PRKCB: variants seen among roughly 807,000 people sequenced by gnomAD.
PRKCB encodes protein kinase C beta type.
A neutral mutation model predicts 81.5 loss-of-function variants in PRKCB; 13 were observed. That is an observed-to-expected ratio of 0.16 (90% CI 0.10 to 0.25). PRKCB has a LOEUF of 0.25. Ranked by LOEUF, PRKCB falls within the 10% of genes least tolerant of loss-of-function variation. The pLI is 1.00. For missense variants in PRKCB, 509 were observed against 875.7 expected, an observed-to-expected ratio of 0.58 and a Z score of 5.29; for synonymous variants, 335 against 321.4, an observed-to-expected ratio of 1.04 and a Z score of -0.45.
intron 2 of PRKCB, among the ~76,000 whole-genome samples, chr16:23,903,702 G>A (rs976513768): frequency 6.6e-6 from 1 of 152,090 alleles, no homozygotes; most frequent in African/African-American, 2.4e-5. Flanking sequence ...TTCCACCCAG[G>A]GTCTTTGCAG....
chr16:24,177,727 G>A (rs1402843978), intron 12 of PRKCB, among the ~76,000 whole-genome samples: 1 of 152,178 alleles, frequency 6.6e-6, no homozygotes, highest in African/African-American at 2.4e-5. Context: ...TGGAACAAGG[G>A]GTGATGTGTG....
intron 2 of PRKCB, among the ~76,000 whole-genome samples, chr16:23,868,035 C>G (rs753098721): frequency 6.6e-6 from 1 of 152,010 alleles, no homozygotes; most frequent in Middle Eastern, 3.4e-3. Flanking sequence ...AGATCTTCCC[C>G]TACGGATTTG....
intron 2 of PRKCB, among the ~76,000 whole-genome samples, chr16:23,862,639 G>A (rs563456432): frequency 6.6e-6 from 1 of 152,164 alleles, no homozygotes; most frequent in Non-Finnish European, 1.5e-5. Flanking sequence ...CCTATGGAAA[G>A]GTTGGGTCTA....
Position 24,215,098 on chromosome 16 carries a change from T to A in PRKCB, c.*282T>A. On this transcript the variant is annotated 3_prime_UTR_variant, in exon 17 of 17. Coordinates refer to ENST00000643927, the MANE Select transcript of PRKCB (RefSeq NM_002738.7). ...CAGCATGTCAGCTAAGTAGACCCAA[T>A]GGGGAGAGAAAATGCCTGCTTTCTT... 1 of 1,133,776 alleles carries A rather than the reference T, an allele frequency of 8.8e-7. No homozygotes were observed. Among genetic ancestry groups the A allele is most frequent in the Non-Finnish European group, 1.1e-6 (1 of 920,066 alleles). The allele number at this position is 1,133,776 out of a possible 1,614,324, so 70.2% of individuals were successfully genotyped here.
chr16:23,914,582 G>A (rs1963709993), intron 2 of PRKCB, among the ~76,000 whole-genome samples: 1 of 152,156 alleles, frequency 6.6e-6, no homozygotes, highest in Admixed American at 6.5e-5. Context: ...ATTAATTAAT[G>A]TCTCTATGCC....
At chr16:24,073,461 T>C (rs143518597) in intron 5 of PRKCB, among the ~76,000 whole-genome samples, 1 of 152,294 alleles carries the variant, frequency 6.6e-6, no homozygotes, top group Non-Finnish European at 1.5e-5. Flanking sequence ...CCCCTTGAGT[T>C]ACTGGGACTA....
At chr16:23,970,037 G>A (rs1311986776) in intron 2 of PRKCB, among the ~76,000 whole-genome samples, 7 of 152,134 alleles carry the variant, frequency 4.6e-5, no homozygotes, top group Admixed American at 3.9e-4. Flanking sequence ...TCATGTCAAT[G>A]CCAGTACAGA....
intron 2 of PRKCB, among the ~76,000 whole-genome samples, chr16:23,847,648 T>G (rs1189959807): frequency 6.6e-6 from 1 of 152,228 alleles, no homozygotes; most frequent in Non-Finnish European, 1.5e-5. Flanking sequence ...TATCAGGTAC[T>G]GTTCTAGGCA....
rs1345294395 is a variant in PRKCB, at chr16:24,030,905, A to AC, written c.289-1231_289-1230insC. Among the ~76,000 whole-genome samples, 7 of 150,322 alleles carry AC rather than the reference A, an allele frequency of 4.7e-5. No individual in the cohort carries two copies. In the South Asian group the frequency reaches 1.1e-3, roughly 23 times the overall value. ...AAGAGCAAAACTCTATCTCAAAAAA[A>AC]AAAAAAAGATCAGCTCAGCATAGTT... On this transcript the variant is annotated intron_variant, in intron 3 of 16. Coordinates refer to ENST00000643927, the MANE Select transcript of PRKCB (RefSeq NM_002738.7).
chr16:24,087,607 A>G (rs1966325318), intron 5 of PRKCB, among the ~76,000 whole-genome samples: 1 of 152,370 alleles, frequency 6.6e-6, no homozygotes, highest in Admixed American at 6.5e-5. Context: ...AAGTTCCTTC[A>G]AAAGGAGTTA....
chr16:24,066,665 T>A (rs770893116), intron 5 of PRKCB, among the ~76,000 whole-genome samples: 4 of 152,154 alleles, frequency 2.6e-5, no homozygotes, highest in African/African-American at 4.8e-5. Context: ...TTCCAGGATC[T>A]CATGTAGGAT....
chr16:24,021,628 G>A (rs1965405928), intron 3 of PRKCB, among the ~76,000 whole-genome samples: 1 of 151,946 alleles, frequency 6.6e-6, no homozygotes, highest in African/African-American at 2.4e-5. Flanking sequence ...GGAGCAGGGG[G>A]GCAGCCAGGG....
intron 5 of PRKCB, among the ~76,000 whole-genome samples, chr16:24,039,905 A>C (rs1965678455): frequency 6.6e-6 from 1 of 152,186 alleles, no homozygotes; most frequent in Non-Finnish European, 1.5e-5. Context: ...AGGAGCGAGC[A>C]CTAAAGGTTG....
chr16:24,157,964 A>T (rs1967188597), intron 10 of PRKCB, among the ~76,000 whole-genome samples: 1 of 152,210 alleles, frequency 6.6e-6, no homozygotes, highest in African/African-American at 2.4e-5. Flanking sequence ...CATGGGAATG[A>T]AGGCCTTCCC....
chr16:23,962,522 C>T (rs184099498), intron 2 of PRKCB, among the ~76,000 whole-genome samples: 1 of 152,184 alleles, frequency 6.6e-6, no homozygotes, highest in African/African-American at 2.4e-5. Flanking sequence ...CCTGGTCACC[C>T]ATCTCTGCCA....
chr16:24,113,447 C>T (rs972688913), intron 8 of PRKCB, among the ~76,000 whole-genome samples: 12 of 148,948 alleles, frequency 8.1e-5, no homozygotes, highest in Admixed American at 6.8e-4. Context: ...TCTGTCCTTC[C>T]TTTGTTTCTT....
chr16:24,171,829 G>A (rs1967445047), intron 10 of PRKCB, among the ~76,000 whole-genome samples: 1 of 152,190 alleles, frequency 6.6e-6, no homozygotes, highest in Non-Finnish European at 1.5e-5. Flanking sequence ...CCCCTCCCGG[G>A]TTCAAGTGAG....
chr16:24,030,708 C>A (rs2141853622), intron 3 of PRKCB, among the ~76,000 whole-genome samples: 1 of 114,176 alleles, frequency 8.8e-6, no homozygotes, highest in African/African-American at 3.7e-5. Context: ...GTGAGACCCC[C>A]CTCTCTACAA....
Position 24,006,039 on chromosome 16 carries a change from A to C in PRKCB, c.288+17449A>C, listed in dbSNP as rs544729942. 9.2e-5 allele frequency among the ~76,000 whole-genome samples: 14 copies of C among 152,310 alleles called. No homozygotes were observed. The South Asian group carries it at 2.1e-3, about 23-fold the overall frequency. On this transcript the variant is annotated intron_variant, in intron 3 of 16. Coordinates refer to ENST00000643927, the MANE Select transcript of PRKCB (RefSeq NM_002738.7). ...AGTAATGTCAGGGGCAATTTAGTCT[A>C]AATGATACAGTCTCCACCTCCCTTC...
Sources: allele counts gnomAD v4.1 joint callset (sites outside exome capture counted in the v4.1 genomes callset), GRCh38; gene constraint gnomAD v4.1.1; transcripts MANE v1.5; gene names NCBI Gene and HGNC (gene_info 2026-07-23, HGNC 2026-07-21).